The following ZNF574 variants were observed in gnomAD, a reference collection of about 807,000 sequenced individuals.
The protein encoded by ZNF574 is zinc finger protein 574.
A neutral mutation model predicts 56.6 loss-of-function variants in ZNF574; 25 were observed. The observed-to-expected ratio is 0.44, with a 90% CI of 0.32 to 0.62. The LOEUF (loss-of-function observed/expected upper bound fraction) is 0.62. Ranked by LOEUF, ZNF574 falls within the 20% of genes least tolerant of loss-of-function variation. ZNF574 has a pLI of 0.04. For synonymous variants in ZNF574, 543 were observed against 492.1 expected (o/e 1.10, Z -1.37); for missense variants, 1,065 against 1,218.9 (o/e 0.87, Z 1.88).
chr19:42,078,993 G>A lies in ZNF574; in HGVS notation c.387G>A (p.Val129=). 6.2e-7 allele frequency: 1 copy of A among 1,614,120 alleles called. No individual in the cohort carries two copies. The highest frequency in any genetic ancestry group is 8.5e-7 in the Non-Finnish European group (1 of 1,180,006). ...LSSSTIHYEC[V]DCKALFASQE... is the part of the protein sequence containing the mutation. ...CCAGCACCATCCACTACGAGTGTGT[G>A]GATTGCAAGGCTCTCTTTGCCAGCC... Residue 129 remains valine (V), a synonymous_variant, in exon 2 of 2, where the codon GTG becomes GTA. Transcript: ENST00000359044.
At chr19:42,076,014 G>C (rs2076452444), upstream of ZNF574, among the ~76,000 whole-genome samples, 1 of 152,240 alleles carries the variant, frequency 6.6e-6, no homozygotes, top group South Asian at 2.1e-4. Flanking sequence ...GGGGAATCTC[G>C]ACGCTCCTCA....
In ZNF574 at chr19:42,078,953, C is replaced by T. The variant is rs1457985704; in HGVS notation, c.347C>T (p.Ala116Val). Residue 116 changes from alanine (A) to valine (V), a missense_variant, in exon 2 of 2, where the codon GCA becomes GTA. Transcript: ENST00000359044. ...EAVPAEPSPK[A>V]PPLSSSTIHY... ...GTGCCAGCTGAGCCATCACCTAAGG[C>T]ACCACCCCTGAGCTCCAGCACCATC... The T allele has an allele frequency of 6.2e-7, 1 of 1,614,072 alleles. No homozygotes were observed. The highest frequency in any genetic ancestry group is 8.5e-7 in the Non-Finnish European group (1 of 1,179,986).
chr19:42,079,400 A>G lies in ZNF574; in HGVS notation c.794A>G (p.Gln265Arg). Residue 265 changes from glutamine (Q) to arginine (R), a missense_variant, in exon 2 of 2, where the codon CAG (glutamine) becomes CGG (arginine). By Grantham distance (43) the Gln-to-Arg change is conservative. Coordinates refer to ENST00000359044, the MANE Select transcript of ZNF574 (RefSeq NM_022752.6). This position sits in a 1 kb window ranked among gnomAD's most constrained non-coding sequence, Gnocchi z 4.3. ...TCACCTGCAGAGGTGCCTGTGTCTCAGCCTGACCCCTTGCCAGCTTCTGAC... is the reference window on the plus strand; with the variant it reads ...TCACCTGCAGAGGTGCCTGTGTCTCGGCCTGACCCCTTGCCAGCTTCTGAC... ...ASSPAEVPVS[Q>R]PDPLPASDHS... 4 of 1,613,728 alleles carry G rather than the reference A, an allele frequency of 2.5e-6. No homozygotes were observed. Among genetic ancestry groups the G allele is most frequent in the Non-Finnish European group, 2.5e-6 (3 of 1,180,026 alleles).
chr19:42,080,703 T>C lies in ZNF574; in HGVS notation c.2097T>C (p.Ala699=), dbSNP rs753347685. 1.4e-5 allele frequency: 23 copies of C among 1,613,208 alleles called. No individual in the cohort carries two copies. Among genetic ancestry groups the C allele is most frequent in the Non-Finnish European group, 1.8e-5 (21 of 1,179,914 alleles). ...CTGCTGGGCCTGGAGAGGTCCTGGC[T>C]AAGGAGCCCCCTGCCCCTCGAGCCC... ...HAAAGPGEVL[A]KEPPAPRAPR... is the part of the protein sequence containing the mutation. The change falls in exon 2 of 2, where the codon GCT becomes GCC. Residue 699 remains alanine, a synonymous_variant. Transcript: ENST00000359044. The surrounding 1 kb of genome is among the most constrained non-coding windows in gnomAD (Gnocchi z 8.5).
intron 1 of ZNF574, among the ~76,000 whole-genome samples, chr19:42,076,758 G>A (rs1443004968): frequency 1.3e-5 from 2 of 152,132 alleles, no homozygotes; most frequent in Admixed American, 6.5e-5. Flanking sequence ...GGAAAGAATT[G>A]GGGCGGTGAG....
intron 1 of ZNF574, among the ~76,000 whole-genome samples, chr19:42,069,655 G>A (rs1263047852): frequency 1.3e-5 from 2 of 151,260 alleles, no homozygotes; most frequent in Non-Finnish European, 3.0e-5. Flanking sequence ...GCCGGCCTGG[G>A]GGGGCCACAG....
chr19:42,078,278 C>A (rs1402902992), intron 1 of ZNF574, among the ~76,000 whole-genome samples: 1 of 151,818 alleles, frequency 6.6e-6, no homozygotes, highest in Non-Finnish European at 1.5e-5. Flanking sequence ...ACTGTGGGGC[C>A]CACTGTGAGG....
chr19:42,068,884 G>C (rs2076381211), exon 1 of ZNF574: 1 of 685,678 alleles, frequency 1.5e-6, no homozygotes, highest in Non-Finnish European at 2.7e-6. Context: ...ATGAGGCTCA[G>C]AGGAACAGAA....
chr19:42,074,386 C>T (rs2076443100), upstream of ZNF574, among the ~76,000 whole-genome samples: 3 of 150,894 alleles, frequency 2.0e-5, no homozygotes, highest in South Asian at 6.2e-4. Context: ...ACCTGGGAGG[C>T]GGAGGTTGCA....
At chr19:42,076,595 C>T (rs1287424765) in intron 1 of ZNF574, among the ~76,000 whole-genome samples, 3 of 152,260 alleles carry the variant, frequency 2.0e-5, no homozygotes, top group Middle Eastern at 3.4e-3. Flanking sequence ...GGCTCCGCGG[C>T]TCCCCAGGGT....
chr19:42,073,934 A>ACCAGCCTGGCCAACATTGCAAAAAC, upstream of ZNF574, among the ~76,000 whole-genome samples: 1 of 150,516 alleles, frequency 6.6e-6, no homozygotes. Flanking sequence ...AGAGTTCGAG[A>ACCAGCCTGGCCAACATTGCAAAAAC]CCAGCCTGGC....
Position 42,078,873 on chromosome 19 carries a change from C to G in ZNF574, c.267C>G (p.Ser89Arg). Residue 89 changes from serine (S) to arginine (R), a missense_variant, in exon 2 of 2, where the codon AGC (serine) becomes AGG (arginine). Transcript: ENST00000359044. ...LECGQLLMSP[S>R]QLLEHQELHL... is the part of the protein sequence containing the mutation. The stretch of plus-strand genomic sequence containing the variant: ...GTGGTCAACTGCTGATGTCACCCAG[C>G]CAGCTCCTGGAGCACCAGGAGCTGC... The G allele has an allele frequency of 6.2e-7, 1 of 1,614,078 alleles. No homozygotes were observed. Among genetic ancestry groups the G allele is most frequent in the Non-Finnish European group, 8.5e-7 (1 of 1,179,968 alleles).
At chr19:42,074,455 A>T (rs534155882), upstream of ZNF574, among the ~76,000 whole-genome samples, 5 of 141,922 alleles carry the variant, frequency 3.5e-5, no homozygotes, top group East Asian at 2.0e-4. Flanking sequence ...ACTCTGTCTC[A>T]TAAATAAAAT....
At chr19:42,073,419 C>T (rs2076437404), upstream of ZNF574, among the ~76,000 whole-genome samples, 1 of 151,898 alleles carries the variant, frequency 6.6e-6, no homozygotes, top group Non-Finnish European at 1.5e-5. Context: ...GACACAGTGG[C>T]TCACACATGT....
chr19:42,079,788 T>A lies in ZNF574; in HGVS notation c.1182T>A (p.Cys394Ter). The change falls in exon 2 of 2, where the codon TGT (cysteine) becomes TGA (stop). Residue 394 changes from cysteine to a stop codon, truncating the protein, a stop_gained. Transcript: ENST00000359044. LOFTEE classifies it high-confidence loss of function. The surrounding 1 kb of genome is among the most constrained non-coding windows in gnomAD (Gnocchi z 4.3). ...ACACCCCGAATCCTCTGCATTCATG[T>A]CCATGTGGGAAGACCTTTGTCAACC... ...RAHTPNPLHS[C>*]PCGKTFVNLT... 1 of 1,614,190 alleles carries A rather than the reference T, an allele frequency of 6.2e-7. No homozygotes were observed. The highest frequency in any genetic ancestry group is 8.5e-7 in the Non-Finnish European group (1 of 1,180,034).
At chr19:42,076,321 C>T (rs910567508) in intron 1 of ZNF574, 35 bp downstream of exon 1, 1 of 152,018 alleles carries the variant, frequency 6.6e-6, no homozygotes, top group African/African-American at 2.4e-5. Flanking sequence ...GCCGGCCGGG[C>T]TGCGCTCCCT....
At chr19:42,072,978 C>T (rs2076434504), upstream of ZNF574, among the ~76,000 whole-genome samples, 1 of 152,258 alleles carries the variant, frequency 6.6e-6, no homozygotes, top group Non-Finnish European at 1.5e-5. Context: ...CTGTCACCTA[C>T]CCCAGGTGAT....
Position 42,079,845 on chromosome 19 carries a change from T to C in ZNF574, c.1239T>C (p.His413=), listed in dbSNP as rs1253978218. 7.4e-6 allele frequency: 12 copies of C among 1,613,976 alleles called. No homozygotes were observed. Among genetic ancestry groups the C allele is most frequent in the East Asian group, 2.2e-5 (1 of 44,876 alleles). ...LTKFLYHRRT[H]GVGGVPLPTT... ...AGTTCCTTTATCACCGGCGTACTCATGGGGTAGGGGGTGTCCCTCTGCCCA... is the reference window on the plus strand; with the variant it reads ...AGTTCCTTTATCACCGGCGTACTCACGGGGTAGGGGGTGTCCCTCTGCCCA... Residue 413 remains histidine, a synonymous_variant, in exon 2 of 2, where the codon CAT becomes CAC. Coordinates refer to ENST00000359044, the MANE Select transcript of ZNF574 (RefSeq NM_022752.6). The surrounding 1 kb of genome is among the most constrained non-coding windows in gnomAD (Gnocchi z 4.3).
At chr19:42,072,620 G>A (rs372047178), upstream of ZNF574, among the ~76,000 whole-genome samples, 10 of 150,402 alleles carry the variant, frequency 6.6e-5, no homozygotes, top group East Asian at 1.6e-3. Flanking sequence ...AGGTTGGAGT[G>A]CAATGGCGCC....
Sources: allele counts gnomAD v4.1 joint callset (sites outside exome capture counted in the v4.1 genomes callset), GRCh38; gene constraint gnomAD v4.1.1; non-coding constraint Gnocchi (gnomAD v3.1); transcripts MANE v1.5; gene names NCBI Gene and HGNC (gene_info 2026-07-23, HGNC 2026-07-21).